Variants in FRMPD4 observed in about 807,000 individuals in gnomAD.
FRMPD4 encodes the protein FERM and PDZ domain-containing protein 4.
In FRMPD4, 22 loss-of-function variants were observed where a neutral mutation model predicts 94.1. The observed-to-expected ratio is 0.23, with a 90% CI of 0.17 to 0.33. The LOEUF (loss-of-function observed/expected upper bound fraction) is 0.33. FRMPD4 is among the 10% of genes least tolerant of loss of function. The pLI, the probability that FRMPD4 is intolerant of heterozygous loss-of-function variation, is 1.00. For missense variants in FRMPD4, 1,111 were observed against 1,339.9 expected, an observed-to-expected ratio of 0.83 and a Z score of 2.67; for synonymous variants, 631 against 548.6, an observed-to-expected ratio of 1.15 and a Z score of -2.10.
chrX:12,674,877 C>T lies in FRMPD4; in HGVS notation c.437C>T (p.Ser146Leu), dbSNP rs2059881267. 6.9e-6 allele frequency: 8 copies of T among 1,165,238 alleles called. No homozygotes were observed. Among genetic ancestry groups the T allele is most frequent in the Admixed American group, 4.4e-5 (2 of 45,720 alleles). The change falls in exon 5 of 17, where the codon TCG (serine) becomes TTG (leucine). Residue 146 changes from serine (S) to leucine (L), a missense_variant. Ser to Leu is a moderately radical substitution (Grantham distance 145). Around this residue, in one of 8 missense-constraint regions of FRMPD4, gnomAD observed 140 missense variants for 165.9 expected, o/e 0.84. Coordinates refer to ENST00000675598, the MANE Select transcript of FRMPD4 (RefSeq NM_001368397.1). ...VIDLVRSCKE[S>L]ILLTVIQPYP... ...CTCTCTTACAGAAGCTGCAAAGAAT[C>T]GATACTCCTCACTGTCATTCAGCCT...
rs1045573231 is a variant in FRMPD4, at chrX:12,608,339, G to T, written c.159-1382G>T. On this transcript the variant is annotated intron_variant, in intron 2 of 16. Coordinates refer to ENST00000675598, the MANE Select transcript of FRMPD4 (RefSeq NM_001368397.1). ...AAATCCACAAAATAATACCAGTTCT[G>T]CCCTCTCATTCTCAATTTGTGTATC... Among the ~76,000 whole-genome samples the T allele has an allele frequency of 3.6e-5, 4 of 112,617 alleles. No homozygotes were observed. In the Admixed American group the frequency reaches 3.7e-4, roughly 11 times the overall value.
intron 1 of FRMPD4, among the ~76,000 whole-genome samples, chrX:12,435,189 T>C (rs973154641): frequency 1.8e-5 from 2 of 111,977 alleles, no homozygotes; most frequent in African/African-American, 6.5e-5. Context: ...TCCATTCTTC[T>C]ATTACGTACT....
At chrX:12,394,515 T>G (rs2056517875) in intron 1 of FRMPD4, among the ~76,000 whole-genome samples, 1 of 111,634 alleles carries the variant, frequency 9.0e-6, no homozygotes, top group South Asian at 3.8e-4. Context: ...TAGCTGCTAT[T>G]TCCTGGCCTT....
chrX:11,844,201 T>C (rs1372109940), intron 1 of FRMPD4, among the ~76,000 whole-genome samples: 1 of 107,098 alleles, frequency 9.3e-6, no homozygotes, highest in East Asian at 2.9e-4. Context: ...TTCACTATGT[T>C]AGCTAAGCTG....
chrX:12,568,437 C>G, intron 2 of FRMPD4, among the ~76,000 whole-genome samples: 1 of 112,291 alleles, frequency 8.9e-6, no homozygotes, highest in Non-Finnish European at 1.9e-5. Flanking sequence ...AAAAGGCTTG[C>G]TTTATTTTTG....
chrX:12,170,210 A>G (rs754731067), intron 1 of FRMPD4, among the ~76,000 whole-genome samples: 19 of 108,220 alleles, frequency 1.8e-4, no homozygotes, highest in African/African-American at 6.4e-4. Flanking sequence ...CAGTGACAAC[A>G]AGGTCTCCTA....
At chrX:12,554,498 T>C (rs1168115250) in intron 2 of FRMPD4, among the ~76,000 whole-genome samples, 1 of 112,533 alleles carries the variant, frequency 8.9e-6, no homozygotes, top group Non-Finnish European at 1.9e-5. Flanking sequence ...AAATACCACC[T>C]AGATTAAAAT....
chrX:11,941,628 G>A (rs1341704954), intron 3 of FRMPD4, among the ~76,000 whole-genome samples: 1 of 112,361 alleles, frequency 8.9e-6, no homozygotes, highest in East Asian at 2.8e-4. Context: ...CTTAAAGAGA[G>A]CAGTACCTTA....
At chrX:12,627,986 AT>A (rs1266282069) in intron 4 of FRMPD4, among the ~76,000 whole-genome samples, 1 of 111,877 alleles carries the variant, frequency 8.9e-6, no homozygotes, top group African/African-American at 3.2e-5. Context: ...AAAAAAAATC[AT>A]TTTGGTGAGG....
chrX:12,697,823 A>G (rs2060148568), intron 9 of FRMPD4, among the ~76,000 whole-genome samples: 1 of 112,042 alleles, frequency 8.9e-6, no homozygotes, highest in South Asian at 3.8e-4. Flanking sequence ...CCACCTCTTC[A>G]AGGCATAGCC....
intron 1 of FRMPD4, among the ~76,000 whole-genome samples, chrX:12,304,507 G>T (rs938353733): frequency 9.0e-6 from 1 of 110,967 alleles, no homozygotes; most frequent in Non-Finnish European, 1.9e-5. Context: ...ATCACTCATG[G>T]TTGAAAACCA....
chrX:12,700,525 A>T (rs867292489), intron 9 of FRMPD4, among the ~76,000 whole-genome samples: 8 of 111,595 alleles, frequency 7.2e-5, no homozygotes, highest in Middle Eastern at 4.6e-3. Flanking sequence ...TTGATGACAC[A>T]CTCTCAGCCA....
intron 1 of FRMPD4, among the ~76,000 whole-genome samples, chrX:12,477,897 G>A (rs1042896276): frequency 8.9e-6 from 1 of 112,229 alleles, no homozygotes; most frequent in Non-Finnish European, 1.9e-5. Context: ...CTATCTCCAA[G>A]TAGAAATGTT....
chrX:12,545,808 T>C (rs943017963), intron 2 of FRMPD4, among the ~76,000 whole-genome samples: 4 of 113,042 alleles, frequency 3.5e-5, no homozygotes, highest in Admixed American at 9.3e-5. Flanking sequence ...GGCCAACTCT[T>C]TGTTAAAATA....
chrX:11,913,049 A>T (rs2054005106), intron 3 of FRMPD4, among the ~76,000 whole-genome samples: 1 of 112,046 alleles, frequency 8.9e-6, no homozygotes, highest in African/African-American at 3.2e-5. Flanking sequence ...GAAATTCATA[A>T]ATTCATAGCC....
chrX:12,654,265 A>G (rs922166155), intron 4 of FRMPD4, among the ~76,000 whole-genome samples: 1 of 111,739 alleles, frequency 8.9e-6, no homozygotes, highest in Non-Finnish European at 1.9e-5. Context: ...CCTTGTTGGT[A>G]ACAGCAACCT....
At chrX:12,521,909 T>A (rs866507489) in intron 2 of FRMPD4, among the ~76,000 whole-genome samples, 3 of 101,490 alleles carry the variant, frequency 3.0e-5, no homozygotes, top group African/African-American at 1.1e-4. Flanking sequence ...TGAAGAAAGA[T>A]AAAAAAAAAA....
intron 1 of FRMPD4, among the ~76,000 whole-genome samples, chrX:11,839,267 A>G (rs2053519091): frequency 1.8e-5 from 2 of 111,605 alleles, no homozygotes; most frequent in Middle Eastern, 4.7e-3. Context: ...AACACTTGTT[A>G]TTGTTTCTTT....
intron 1 of FRMPD4, among the ~76,000 whole-genome samples, chrX:12,320,322 C>T (rs2055188984): frequency 9.0e-6 from 1 of 111,033 alleles, no homozygotes; most frequent in Non-Finnish European, 1.9e-5. Context: ...TTCAAGGCCA[C>T]GCAGCAAGGT....
Sources: allele counts gnomAD v4.1 joint callset (sites outside exome capture counted in the v4.1 genomes callset), GRCh38; gene constraint gnomAD v4.1.1; regional missense constraint gnomAD v4.1.1; transcripts MANE v1.5; gene names NCBI Gene and HGNC (gene_info 2026-07-23, HGNC 2026-07-21).